ABCA8: variants seen among roughly 807,000 people sequenced by gnomAD.
ABCA8 encodes ATP binding cassette subfamily A member 8.
In ABCA8, 177 loss-of-function variants were observed where a neutral mutation model predicts 192.3. That is an observed-to-expected ratio of 0.92 (90% CI 0.81 to 1.04). ABCA8 has a LOEUF of 1.04. ABCA8 is among the 50% of genes least tolerant of loss of function. The pLI, the probability that ABCA8 is intolerant of heterozygous loss-of-function variation, is 0.00. For missense variants in ABCA8, 1,915 were observed against 1,904.8 expected (o/e 1.01, Z -0.10); for synonymous variants, 642 against 690.2 (o/e 0.93, Z 1.09).
Position 68,924,823 on chromosome 17 carries a change from TGAG to T in ABCA8, c.1317_1319del (p.Ser440del). 1 of 1,614,108 alleles carries T rather than the reference TGAG, an allele frequency of 6.2e-7. No homozygotes were observed. The highest frequency in any genetic ancestry group is 8.5e-7 in the Non-Finnish European group (1 of 1,179,978). On this transcript the variant is annotated inframe_deletion, in exon 11 of 40. Coordinates refer to ENST00000586539, the MANE Select transcript of ABCA8 (RefSeq NM_001288985.2). ...CAGTCTTTTGTGTTTGAGACCAAAA[TGAG>T]GACTTCAGGAAAAACAAAGGTGGAC... is the stretch of plus-strand genomic sequence containing the variant.
Position 68,932,507 on chromosome 17 carries a change from G to A in ABCA8, c.578C>T (p.Thr193Ile), listed in dbSNP as rs1173879064. The change falls in exon 7 of 40, where the codon ACA becomes ATA. Residue 193 changes from threonine (T) to isoleucine (I), a missense_variant. Coordinates refer to ENST00000586539, the MANE Select transcript of ABCA8 (RefSeq NM_001288985.2). ...AINAAIIEIT[T>I]NHSVMEELMS... ...CAGCTCCTCCATCACTGAGTGATTT[G>A]TTGTGATCTGAAGAAAGGCATTAAT... is the stretch of plus-strand genomic sequence containing the variant. 6.2e-7 allele frequency: 1 copy of A among 1,609,726 alleles called. No individual in the cohort carries two copies. Among genetic ancestry groups the A allele is most frequent in the African/African-American group, 1.3e-5 (1 of 74,842 alleles).
At chr17:68,882,862 A>C in intron 29 of ABCA8, 143 bp from the exon 30 acceptor site, 1 of 642,112 alleles carries the variant, frequency 1.6e-6, no homozygotes, top group Admixed American at 3.3e-5. Flanking sequence ...TCCCCTTAAA[A>C]CCTCCTTGCT....
intron 5 of ABCA8, 116 bp from the exon 6 acceptor site, chr17:68,933,387 G>A (rs1328523330): frequency 6.3e-6 from 4 of 630,514 alleles, no homozygotes; most frequent in Non-Finnish European, 1.1e-5. Flanking sequence ...AATTCCAAAT[G>A]TTCTTATTTT....
intron 24 of ABCA8, among the ~76,000 whole-genome samples, chr17:68,888,187 T>C (rs2066539312): frequency 1.3e-5 from 2 of 151,414 alleles, no homozygotes; most frequent in South Asian, 4.2e-4. Flanking sequence ...TATTTATCAC[T>C]GATTCAAATA....
chr17:68,930,218 G>C (rs1424138617), intron 7 of ABCA8, among the ~76,000 whole-genome samples: 3 of 152,048 alleles, frequency 2.0e-5, no homozygotes, highest in Non-Finnish European at 4.4e-5. Context: ...TCTCCTCTCT[G>C]GAGTCTCTCC....
chr17:68,885,743 T>C (rs2066442934), intron 26 of ABCA8, among the ~76,000 whole-genome samples: 1 of 151,862 alleles, frequency 6.6e-6, no homozygotes, highest in African/African-American at 2.4e-5. Context: ...AGAGATGGGG[T>C]TTCACCATGT....
intron 21 of ABCA8, among the ~76,000 whole-genome samples, chr17:68,895,319 T>A (rs2066721390): frequency 6.6e-6 from 1 of 152,158 alleles, no homozygotes; most frequent in Non-Finnish European, 1.5e-5. Context: ...CTTCCATTGA[T>A]TAACCACCAA....
chr17:68,913,198 C>T (rs2067266906), intron 17 of ABCA8, among the ~76,000 whole-genome samples: 1 of 151,836 alleles, frequency 6.6e-6, no homozygotes, highest in East Asian at 1.9e-4. Flanking sequence ...TTTATTGAAA[C>T]AAATGAAAAT....
rs1471549662 is a variant in ABCA8 at position 68,936,447 on chromosome 17, T to C, written c.466+504A>G. On this transcript the variant is annotated intron_variant, in intron 5 of 39. Coordinates refer to ENST00000586539, the MANE Select transcript of ABCA8 (RefSeq NM_001288985.2). ...TTATTGAAAAGGATTTTTCCCCCAG[T>C]GTATATTTTTGTTGACTTTGTCAAA... is the stretch of plus-strand genomic sequence containing the variant. 2.6e-5 allele frequency among the ~76,000 whole-genome samples: 4 copies of C among 152,078 alleles called. No individual in the cohort carries two copies. In the East Asian group the frequency reaches 7.7e-4, roughly 29 times the overall value.
Position 68,918,172 on chromosome 17 carries a change from T to C in ABCA8, c.1922A>G (p.Asp641Gly), listed in dbSNP as rs769287027. ...ILGDPQIFLL[D>G]EPTAGLDPFS... The stretch of plus-strand genomic sequence containing the variant: ...GGGATCCAATCCAGCAGTTGGTTCA[T>C]CCAACAGGAAAATCTATAAACGAGG... The change falls in exon 16 of 40, where the codon GAT becomes GGT. Residue 641 changes from aspartate (D) to glycine (G), a missense_variant. Transcript: ENST00000586539. 1.2e-6 allele frequency: 2 copies of C among 1,614,128 alleles called. No homozygotes were observed. The highest frequency in any genetic ancestry group is 2.2e-5 in the East Asian group (1 of 44,878).
chr17:68,887,897 T>TCC (rs1459483942), intron 24 of ABCA8, among the ~76,000 whole-genome samples: 6 of 46,158 alleles, frequency 1.3e-4, no homozygotes, highest in African/African-American at 6.5e-4. Context: ...TATATATATA[T>TCC]ATATATATAT....
chr17:68,952,156 A>G (rs755549007), intron 1 of ABCA8, among the ~76,000 whole-genome samples: 17 of 152,212 alleles, frequency 1.1e-4, no homozygotes, highest in Non-Finnish European at 2.2e-4. Flanking sequence ...TCTTTTTACA[A>G]ACAAATGCCT....
intron 10 of ABCA8, among the ~76,000 whole-genome samples, chr17:68,926,164 A>C (rs2067692931): frequency 6.6e-6 from 1 of 152,184 alleles, no homozygotes; most frequent in Non-Finnish European, 1.5e-5. Flanking sequence ...GGACTAAAAA[A>C]AGATGGAATA....
intron 5 of ABCA8, among the ~76,000 whole-genome samples, chr17:68,936,390 T>C (rs998496669): frequency 2.0e-5 from 3 of 152,140 alleles, no homozygotes; most frequent in African/African-American, 7.2e-5. Context: ...TCTATTGTTC[T>C]GCATAAGGCT....
intron 2 of ABCA8, among the ~76,000 whole-genome samples, chr17:68,944,316 TTA>T (rs1177610587): frequency 0.041 from 1,187 of 29,022 alleles, 11 homozygotes; most frequent in African/African-American, 0.065. Context: ...GAACTTAAAG[TTA>T]TATATATATA....
intron 39 of ABCA8, 40 bp downstream of exon 39, chr17:68,868,261 C>T (rs2065964693): frequency 6.2e-7 from 1 of 1,608,060 alleles, no homozygotes; most frequent in Non-Finnish European, 8.5e-7. Flanking sequence ...GTTTTATACA[C>T]ATATACCATG....
At chr17:68,906,621 A>C (rs2067074684) in intron 18 of ABCA8, among the ~76,000 whole-genome samples, 1 of 152,134 alleles carries the variant, frequency 6.6e-6, no homozygotes. Flanking sequence ...TAGTTTAGAA[A>C]ATATTTGTTA....
rs759702335 is a variant in ABCA8, at chr17:68,932,396, A to G, written c.689T>C (p.Ile230Thr). The change falls in exon 7 of 40, where the codon ATT (isoleucine) becomes ACT (threonine). Residue 230 changes from isoleucine to threonine, a missense_variant. Ile to Thr is a moderately conservative substitution (Grantham distance 89). Coordinates refer to ENST00000586539, the MANE Select transcript of ABCA8 (RefSeq NM_001288985.2). ...VITDLYLFSCIISFSSFIYYA... is the reference protein window; with the variant it reads ...VITDLYLFSCTISFSSFIYYA... ...GTAAATGAATGAGGAAAATGAAATAATGCAGGAAAAAAGGTACAAATCAGT... is the reference window on the plus strand; with the variant it reads ...GTAAATGAATGAGGAAAATGAAATAGTGCAGGAAAAAAGGTACAAATCAGT... 6.2e-7 allele frequency: 1 copy of G among 1,613,954 alleles called. No homozygotes were observed. The highest frequency in any genetic ancestry group is 8.5e-7 in the Non-Finnish European group (1 of 1,179,806).
chr17:68,923,797 AG>A (rs2067612927), intron 11 of ABCA8, among the ~76,000 whole-genome samples: 1 of 152,242 alleles, frequency 6.6e-6, no homozygotes, highest in Admixed American at 6.5e-5. Flanking sequence ...GGACTGACAC[AG>A]GCTGGTCATT....
Sources: gnomAD v4.1 joint callset for allele counts (sites outside exome capture counted in the v4.1 genomes callset) on GRCh38, gnomAD v4.1.1 for gene constraint, MANE v1.5 for transcripts, NCBI Gene and HGNC (gene_info 2026-07-23, HGNC 2026-07-21) for gene names.